Variants in FAM171B observed in about 807,000 individuals in gnomAD.
The protein encoded by FAM171B is protein FAM171B.
Under a neutral mutation model 75.6 loss-of-function variants are expected in FAM171B, and 19 were observed. The observed-to-expected ratio is 0.25, with a 90% CI of 0.18 to 0.37. The LOEUF (loss-of-function observed/expected upper bound fraction) is 0.37. FAM171B is among the 10% of genes least tolerant of loss of function. The pLI is 1.00. For missense variants in FAM171B, 848 were observed against 982.4 expected, an observed-to-expected ratio of 0.86 and a Z score of 1.83; for synonymous variants, 367 against 361.7, an observed-to-expected ratio of 1.01 and a Z score of -0.17.
chr2:186,720,476 C>G (rs1689936204), intron 1 of FAM171B, among the ~76,000 whole-genome samples: 1 of 152,070 alleles, frequency 6.6e-6, no homozygotes, highest in Non-Finnish European at 1.5e-5. Context: ...TCAATATTAA[C>G]AATTTGGTGA....
intron 2 of FAM171B, among the ~76,000 whole-genome samples, chr2:186,742,290 C>T (rs1322139086): frequency 6.6e-6 from 1 of 152,066 alleles, no homozygotes; most frequent in African/African-American, 2.4e-5. Context: ...GAAAGATTCT[C>T]CTCATGTTTA....
intron 1 of FAM171B, among the ~76,000 whole-genome samples, chr2:186,707,396 G>T: frequency 6.6e-6 from 1 of 151,948 alleles, no homozygotes; most frequent in East Asian, 1.9e-4. Context: ...CTCTGCTCTG[G>T]CTCAGGTTAC....
In FAM171B at chr2:186,740,527, TG is replaced by T. The variant is rs1690274687; in HGVS notation, c.472+71del. The stretch of plus-strand genomic sequence containing the variant: ...ATGTAAATGAATTATTTTCTCTGTT[TG>T]GGGGATATCTTGTTCTGGTAAGCTG... On this transcript the variant is annotated intron_variant, in intron 2 of 7. Coordinates refer to ENST00000304698, the MANE Select transcript of FAM171B (RefSeq NM_177454.4). 1.2e-5 allele frequency: 16 copies of T among 1,342,172 alleles called. No individual in the cohort carries two copies. The Admixed American group carries it at 1.4e-4, about 12-fold the overall frequency. The allele number at this position is 1,342,172 out of a possible 1,614,324, so 83.1% of individuals were successfully genotyped here. A position where few individuals can be genotyped will look rare whatever the true frequency, so the allele number is the denominator to read the frequency against.
Position 186,744,836 on chromosome 2 carries a change from T to TTC in FAM171B, c.565+1262_565+1263insCT, listed in dbSNP as rs1419520352. Among the ~76,000 whole-genome samples the TTC allele has an allele frequency of 4.7e-5, 7 of 150,504 alleles. No homozygotes were observed. The East Asian group carries it at 1.2e-3, about 25-fold the overall frequency. On this transcript the variant is annotated intron_variant, in intron 3 of 7. Transcript: ENST00000304698. ...GCCACCGTGCCTGACCAGCATTTTTTTTTTTTTTTTTTGAGACAGTGTCTG... is the reference window on the plus strand; with the variant it reads ...GCCACCGTGCCTGACCAGCATTTTTTTCTTTTTTTTTTTTGAGACAGTGTCTG...
At chr2:186,748,198 C>T (rs1189643917) in intron 4 of FAM171B, among the ~76,000 whole-genome samples, 2 of 152,172 alleles carry the variant, frequency 1.3e-5, no homozygotes, top group African/African-American at 2.4e-5. Flanking sequence ...GCTGGGATTA[C>T]AGGCATGAGC....
rs149033105 is a variant in FAM171B at position 186,748,416 on chromosome 2, G to A, written c.724+1166G>A. ...GGTTAGATAGAGTTTTGTTTTGCCT[G>A]TTGGAGTTGATGCTATCAGTGCCCC... On this transcript the variant is annotated intron_variant, in intron 4 of 7. Transcript: ENST00000304698. 9.0e-3 allele frequency among the ~76,000 whole-genome samples: 1,373 copies of A among 151,888 alleles called. 25 individuals are homozygous for A. Among genetic ancestry groups the A allele is most frequent in the African/African-American group, 0.031 (1,295 of 41,406 alleles).
rs574922805 is a variant in FAM171B, at chr2:186,726,680, G to A, written c.239-13548G>A. Among the ~76,000 whole-genome samples, 106 of 151,944 alleles carry A rather than the reference G, an allele frequency of 7.0e-4. 1 individual carries two copies. The highest frequency in any genetic ancestry group is 2.4e-3 in the African/African-American group (101 of 41,446). On this transcript the variant is annotated intron_variant, in intron 1 of 7. Coordinates refer to ENST00000304698, the MANE Select transcript of FAM171B (RefSeq NM_177454.4). ...ATTTACTCTTTGCCAGGATACATTT[G>A]CCTTATATTTATTTAGGAAGTTTTT... is the stretch of plus-strand genomic sequence containing the variant.
In FAM171B at chr2:186,765,530, T is replaced by C. The variant is rs1055164890; in HGVS notation, c.*2707T>C. The C allele has an allele frequency of 1.3e-5, 2 of 152,042 alleles. No individual in the cohort carries two copies. The highest frequency in any genetic ancestry group is 4.8e-5 in the African/African-American group (2 of 41,438). The allele number at this position is 152,042 out of a possible 1,614,324, so 9.4% of individuals were successfully genotyped here. On this transcript the variant is annotated 3_prime_UTR_variant, in exon 8 of 8. Coordinates refer to ENST00000304698, the MANE Select transcript of FAM171B (RefSeq NM_177454.4). Reference sequence around the variant, plus strand: ...CATAATATACCACAGAGATTACAAATGTTGAGGAATGAAAGCACTTCTTTG... The same window carrying C: ...CATAATATACCACAGAGATTACAAACGTTGAGGAATGAAAGCACTTCTTTG...
Position 186,740,714 on chromosome 2 carries a change from T to G in FAM171B, c.472+253T>G, listed in dbSNP as rs574494677. 3.9e-5 allele frequency among the ~76,000 whole-genome samples: 6 copies of G among 152,202 alleles called. No individual in the cohort carries two copies. In the East Asian group the frequency reaches 1.2e-3, roughly 29 times the overall value. ...TCTTGCAGTTCTGGAGTCTGGGAAG[T>G]CTAAGATCAAGGTGCCAGCAGATTC... On this transcript the variant is annotated intron_variant, in intron 2 of 7. Coordinates refer to ENST00000304698, the MANE Select transcript of FAM171B (RefSeq NM_177454.4).
chr2:186,762,382 G>T lies in FAM171B; in HGVS notation c.2040G>T (p.Lys680Asn). 6.2e-7 allele frequency: 1 copy of T among 1,613,670 alleles called. No individual in the cohort carries two copies. Among genetic ancestry groups the T allele is most frequent in the Non-Finnish European group, 8.5e-7 (1 of 1,179,770 alleles). ...CCTGGTTTGTGTCTCTTGATGGAAAGCCAGTTGCACAAGTGAGGCACTCCT... is the reference window on the plus strand; with the variant it reads ...CCTGGTTTGTGTCTCTTGATGGAAATCCAGTTGCACAAGTGAGGCACTCCT... ...PRAWFVSLDG[K>N]PVAQVRHSFI... The change falls in exon 8 of 8, where the codon AAG becomes AAT. Residue 680 changes from lysine to asparagine, a missense_variant. Physicochemically the swap from Lys to Asn is moderately conservative, Grantham distance 94. Coordinates refer to ENST00000304698, the MANE Select transcript of FAM171B (RefSeq NM_177454.4). This position sits in a 1 kb window ranked among gnomAD's most constrained non-coding sequence, Gnocchi z 4.0.
chr2:186,761,071 T>G, intron 6 of FAM171B, 42 bp from the exon 7 acceptor site: 1 of 1,573,806 alleles, frequency 6.4e-7, no homozygotes, highest in Non-Finnish European at 8.6e-7. Context: ...GAGAATTTGA[T>G]CTAAAATAAC....
intron 1 of FAM171B, among the ~76,000 whole-genome samples, chr2:186,738,007 C>T (rs1690229130): frequency 6.6e-6 from 1 of 152,196 alleles, no homozygotes; most frequent in Non-Finnish European, 1.5e-5. Flanking sequence ...GGGCATGCCA[C>T]AAGCGGCTTC....
chr2:186,737,445 C>T (rs907788011), intron 1 of FAM171B, among the ~76,000 whole-genome samples: 4 of 152,164 alleles, frequency 2.6e-5, no homozygotes, highest in African/African-American at 9.7e-5. Flanking sequence ...CAGCCTTGAC[C>T]TCCTGGGCTA....
intron 7 of FAM171B, 67 bp from the exon 8 acceptor site, chr2:186,761,412 G>T: frequency 6.6e-7 from 1 of 1,505,048 alleles, no homozygotes; most frequent in Non-Finnish European, 8.9e-7. Flanking sequence ...GATTGGGAGT[G>T]ATTTTTAATA....
In FAM171B at chr2:186,762,945, G is replaced by A; in HGVS notation, c.*122G>A. On this transcript the variant is annotated 3_prime_UTR_variant, in exon 8 of 8. Transcript: ENST00000304698. This position sits in a 1 kb window ranked among gnomAD's most constrained non-coding sequence, Gnocchi z 4.0. ...CTCATGGTTCTTGGACATGTCTCAAGCAGAGTAAATGGTAATTCAGTAATC... is the reference window on the plus strand; with the variant it reads ...CTCATGGTTCTTGGACATGTCTCAAACAGAGTAAATGGTAATTCAGTAATC... 2 of 1,193,248 alleles carry A rather than the reference G, an allele frequency of 1.7e-6. No individual in the cohort carries two copies. The highest frequency in any genetic ancestry group is 2.4e-6 in the Non-Finnish European group (2 of 850,710). 73.9% of individuals were successfully genotyped at this position (1,193,248 alleles called of 1,614,324 possible).
At chr2:186,731,202 T>C (rs1386931951) in intron 1 of FAM171B, among the ~76,000 whole-genome samples, 2 of 152,224 alleles carry the variant, frequency 1.3e-5, no homozygotes, top group African/African-American at 4.8e-5. Flanking sequence ...GTTGTACATA[T>C]TTAATGTGCT....
chr2:186,725,315 A>T (rs2595397), intron 1 of FAM171B, among the ~76,000 whole-genome samples: 1 of 148,064 alleles, frequency 6.8e-6, no homozygotes, highest in Non-Finnish European at 1.5e-5. Flanking sequence ...CTGCACTCCA[A>T]CCTGGGCGAC....
chr2:186,717,346 C>T (rs1049190654), intron 1 of FAM171B, among the ~76,000 whole-genome samples: 3 of 151,904 alleles, frequency 2.0e-5, no homozygotes, highest in Non-Finnish European at 4.4e-5. Flanking sequence ...TTGTTGGGGG[C>T]GCAGTTGAGA....
intron 1 of FAM171B, among the ~76,000 whole-genome samples, chr2:186,716,829 C>G (rs1444817193): frequency 6.6e-6 from 1 of 152,102 alleles, no homozygotes; most frequent in Non-Finnish European, 1.5e-5. Context: ...TGTTTTTCCT[C>G]TTCTATTTTT....
Sources: gnomAD v4.1 joint callset for allele counts (sites outside exome capture counted in the v4.1 genomes callset) on GRCh38, gnomAD v4.1.1 for gene constraint, Gnocchi (gnomAD v3.1) non-coding constraint, MANE v1.5 for transcripts, NCBI Gene and HGNC (gene_info 2026-07-23, HGNC 2026-07-21) for gene names.